The following PRDM1 variants were observed in gnomAD, a reference collection of about 807,000 sequenced individuals.
PRDM1 encodes the protein PR domain zinc finger protein 1.
A neutral mutation model predicts 62.8 loss-of-function variants in PRDM1; 13 were observed. The ratio of observed to expected loss-of-function variants is 0.21; its 90% confidence interval spans 0.13 to 0.33. The LOEUF (loss-of-function observed/expected upper bound fraction) is 0.33. Among genes scored for constraint, PRDM1 ranks in the 10% least tolerant of loss-of-function variants. PRDM1 has a pLI of 1.00. For missense variants in PRDM1, 895 were observed against 1,058.8 expected, an observed-to-expected ratio of 0.85 and a Z score of 2.15; for synonymous variants, 396 against 417.6, an observed-to-expected ratio of 0.95 and a Z score of 0.63.
intron 1 of PRDM1, among the ~76,000 whole-genome samples, chr6:106,076,778 A>G (rs116826840): frequency 0.014 from 2,171 of 152,336 alleles, 60 homozygotes; most frequent in African/African-American, 0.049. Context: ...CAATTTTGCA[A>G]TCAGAATTGT....
chr6:106,103,807 T>TA (rs1774348533), intron 4 of PRDM1, among the ~76,000 whole-genome samples: 1 of 152,188 alleles, frequency 6.6e-6, no homozygotes, highest in Non-Finnish European at 1.5e-5. Flanking sequence ...TTGGGTGCGC[T>TA]AAGTAATTGA....
chr6:106,087,208 G>A (rs960994621), intron 1 of PRDM1, among the ~76,000 whole-genome samples: 3 of 152,138 alleles, frequency 2.0e-5, no homozygotes, highest in Non-Finnish European at 4.4e-5. Context: ...TTCTGAGTGT[G>A]AGGGAGGATT....
rs1384461100 is a variant in PRDM1 at position 106,055,602 on chromosome 6, T to C, written c.-67+6888T>C. 3.9e-5 allele frequency among the ~76,000 whole-genome samples: 6 copies of C among 152,344 alleles called. No individual in the cohort carries two copies. The East Asian group carries it at 1.2e-3, about 29-fold the overall frequency. On this transcript the variant is annotated intron_variant, in intron 1 of 6. Transcript: ENST00000651185. Reference sequence around the variant, plus strand: ...AGCACAGTTAATACGTAAGGGACCTTGTGTCTCCCTAACTTGCCAATATCT... The same window carrying C: ...AGCACAGTTAATACGTAAGGGACCTCGTGTCTCCCTAACTTGCCAATATCT...
intron 1 of PRDM1, 121 bp downstream of exon 1, chr6:106,086,716 T>C: frequency 1.2e-6 from 1 of 846,136 alleles, no homozygotes; most frequent in Non-Finnish European, 1.8e-6. Flanking sequence ...AACATGCTTC[T>C]GCTTTAGTGC....
chr6:106,092,997 T>A (rs984245350), intron 2 of PRDM1, among the ~76,000 whole-genome samples: 9 of 152,232 alleles, frequency 5.9e-5, no homozygotes, highest in African/African-American at 1.9e-4. Context: ...TTCCTAATGA[T>A]AAGCTAATAT....
At chr6:106,066,410 A>T (rs902313087) in intron 1 of PRDM1, among the ~76,000 whole-genome samples, 1 of 152,338 alleles carries the variant, frequency 6.6e-6, no homozygotes. Flanking sequence ...GATTTTAATA[A>T]AGATTTTTAA....
chr6:106,056,698 G>T (rs1165658831), intron 1 of PRDM1, among the ~76,000 whole-genome samples: 1 of 152,204 alleles, frequency 6.6e-6, no homozygotes, highest in African/African-American at 2.4e-5. Context: ...AGCATTTAAA[G>T]AATGACTTTT....
chr6:106,008,520 C>G (rs1318017777), intron 1 of PRDM1, among the ~76,000 whole-genome samples: 1 of 152,148 alleles, frequency 6.6e-6, no homozygotes, highest in Non-Finnish European at 1.5e-5. Context: ...CCACAAGTGT[C>G]TCCTTTATAA....
chr6:106,105,874 A>C lies in PRDM1; in HGVS notation c.1714A>C (p.Lys572Gln). Residue 572 changes from lysine to glutamine, a missense_variant, in exon 5 of 7, where the codon AAG (lysine) becomes CAG (glutamine). Transcript: ENST00000369096. ...CTACCCGCTGAAGAAGCAGAACGGC[A>C]AGATCAAGTACGAATGCAACGTTTG... ...LPYPLKKQNG[K>Q]IKYECNVCAK... 6.2e-7 allele frequency: 1 copy of C among 1,614,162 alleles called. No individual in the cohort carries two copies. Among genetic ancestry groups the C allele is most frequent in the Non-Finnish European group, 8.5e-7 (1 of 1,180,008 alleles).
intron 1 of PRDM1, among the ~76,000 whole-genome samples, chr6:105,998,628 A>G (rs1772380054): frequency 6.6e-6 from 1 of 152,100 alleles, no homozygotes; most frequent in African/African-American, 2.4e-5. Flanking sequence ...ACCAGTTTCA[A>G]AAAGTTTTTT....
chr6:106,063,008 C>T (rs542380969), intron 1 of PRDM1, among the ~76,000 whole-genome samples: 60 of 152,272 alleles, frequency 3.9e-4, no homozygotes, highest in Non-Finnish European at 6.2e-4. Context: ...ATAGGAATGG[C>T]GGGGTGATTC....
intron 5 of PRDM1, 40 bp downstream of exon 5, chr6:106,105,973 C>T: frequency 9.5e-6 from 15 of 1,571,976 alleles, no homozygotes; most frequent in Non-Finnish European, 1.3e-5. Flanking sequence ...GCTGTGAGTG[C>T]ATGCTTGTGT....
intron 2 of PRDM1, among the ~76,000 whole-genome samples, chr6:106,090,888 T>C (rs1419247839): frequency 6.6e-6 from 1 of 152,186 alleles, no homozygotes; most frequent in Non-Finnish European, 1.5e-5. Flanking sequence ...ACCTTTTTTT[T>C]TTTTTTGGTT....
chr6:106,006,401 A>T (rs1041273609), intron 1 of PRDM1, among the ~76,000 whole-genome samples: 3 of 152,060 alleles, frequency 2.0e-5, no homozygotes, highest in Non-Finnish European at 2.9e-5. Context: ...CTATCTAATG[A>T]GCTTGCAATT....
intron 1 of PRDM1, among the ~76,000 whole-genome samples, chr6:106,041,708 A>T (rs149510586): frequency 7.9e-5 from 12 of 152,272 alleles, no homozygotes; most frequent in African/African-American, 2.6e-4. Flanking sequence ...ATAATTTTTT[A>T]AAAGTTACGT....
intron 1 of PRDM1, among the ~76,000 whole-genome samples, chr6:106,039,133 T>C (rs1772959805): frequency 6.6e-6 from 1 of 152,190 alleles, no homozygotes; most frequent in African/African-American, 2.4e-5. Context: ...TCACACTCTT[T>C]ATAATTAGAC....
At chr6:106,001,738 T>C (rs1225742112) in intron 1 of PRDM1, among the ~76,000 whole-genome samples, 1 of 152,204 alleles carries the variant, frequency 6.6e-6, no homozygotes, top group Non-Finnish European at 1.5e-5. Flanking sequence ...CATTGCTGTA[T>C]GTCTTGATAT....
chr6:106,039,453 T>C (rs1022887255), intron 1 of PRDM1, among the ~76,000 whole-genome samples: 2 of 152,238 alleles, frequency 1.3e-5, no homozygotes, highest in Non-Finnish European at 2.9e-5. Context: ...ATTCAACACA[T>C]TGATGATAGA....
intron 2 of PRDM1, among the ~76,000 whole-genome samples, chr6:106,093,249 G>A (rs1364888829): frequency 1.3e-5 from 2 of 152,202 alleles, no homozygotes; most frequent in African/African-American, 4.8e-5. Context: ...ACAAGAAAAT[G>A]TGTGTAAGAT....
Sources: allele counts gnomAD v4.1 joint callset (sites outside exome capture counted in the v4.1 genomes callset), GRCh38; gene constraint gnomAD v4.1.1; transcripts MANE v1.5; gene names NCBI Gene and HGNC (gene_info 2026-07-23, HGNC 2026-07-21).